The following ATP2C2 variants were observed in gnomAD, a reference collection of about 807,000 sequenced individuals.
ATP2C2 encodes ATPase secretory pathway Ca2+ transporting 2.
In ATP2C2, 171 loss-of-function variants were observed where a neutral mutation model predicts 110.8. The observed-to-expected ratio is 1.54, with a 90% CI of 1.36 to 1.75. The LOEUF (loss-of-function observed/expected upper bound fraction) is 1.75, where lower values mean the gene tolerates loss of function less well. Ranked by LOEUF, ATP2C2 falls within the 40% of genes most tolerant of loss-of-function variation. The probability of loss-of-function intolerance (pLI) is 0.00; values close to 1 mark genes in which losing one functional copy is unlikely to be tolerated. For synonymous variants in ATP2C2, 804 were observed against 508.4 expected (o/e 1.58, Z -7.82); for missense variants, 1,963 against 1,235.0 (o/e 1.59, Z -8.84).
At position 84,461,694 on chromosome 16, in the gene ATP2C2, C is replaced by A. The variant is rs781724696; in HGVS notation, c.2482-20C>A. ...TTGTCTCTTCCCGCCTAACCTCTCA[C>A]CTTTGTGCTCACCTTCCAGATGCCT... On this transcript the variant is annotated intron_variant, in intron 24 of 26. Coordinates refer to ENST00000262429, the MANE Select transcript of ATP2C2 (RefSeq NM_014861.4). 2.5e-6 allele frequency: 4 copies of A among 1,608,356 alleles called. No homozygotes were observed. In the African/African-American group the frequency reaches 5.3e-5, roughly 21 times the overall value.
In ATP2C2 at chr16:84,459,325, C is replaced by A; in HGVS notation, c.2272C>A (p.Pro758Thr). 6.2e-7 allele frequency: 1 copy of A among 1,614,212 alleles called. No homozygotes were observed. Among genetic ancestry groups the A allele is most frequent in the Non-Finnish European group, 8.5e-7 (1 of 1,180,048 alleles). The change falls in exon 23 of 27, where the codon CCC becomes ACC. Residue 758 changes from proline to threonine, a missense_variant. By Grantham distance (38) the Pro-to-Thr change is conservative. Transcript: ENST00000262429. ...GTCCACCGTGTTCAACCTGCCCAGCCCCCTCAACGCCATGCAGATCCTATG... is the reference window on the plus strand; with the variant it reads ...GTCCACCGTGTTCAACCTGCCCAGCACCCTCAACGCCATGCAGATCCTATG... Reference protein sequence around the residue: ...TLSTVFNLPSPLNAMQILWIN... With the variant: ...TLSTVFNLPSTLNAMQILWIN...
At chr16:84,458,861 A>T (rs1424637889) in intron 21 of ATP2C2, among the ~76,000 whole-genome samples, 1 of 152,140 alleles carries the variant, frequency 6.6e-6, no homozygotes, top group Non-Finnish European at 1.5e-5. Context: ...TCATGGTCTG[A>T]TTGGAGGCAT....
At chr16:84,435,280 T>G (rs1339439980) in intron 11 of ATP2C2, among the ~76,000 whole-genome samples, 1 of 152,234 alleles carries the variant, frequency 6.6e-6, no homozygotes, top group East Asian at 1.9e-4. Flanking sequence ...ATTGGCAGTG[T>G]TTATTCTTTT....
At chr16:84,374,638 T>C (rs1597725190) in intron 1 of ATP2C2, among the ~76,000 whole-genome samples, 1 of 152,104 alleles carries the variant, frequency 6.6e-6, no homozygotes, top group South Asian at 2.1e-4. Flanking sequence ...TGCTGCTTGG[T>C]GGCCATCATA....
At chr16:84,430,763 G>C (rs1908204112) in intron 11 of ATP2C2, among the ~76,000 whole-genome samples, 1 of 152,020 alleles carries the variant, frequency 6.6e-6, no homozygotes, top group Non-Finnish European at 1.5e-5. Context: ...CCCTTACACA[G>C]CCCATGGGGT....
chr16:84,459,866 G>C (rs1204666394), intron 23 of ATP2C2: 1 of 371,920 alleles, frequency 2.7e-6, no homozygotes. Flanking sequence ...CTGATGTCTA[G>C]AGATAAAGGG....
chr16:84,448,714 G>C, intron 17 of ATP2C2, 25 bp downstream of exon 17: 1 of 1,598,352 alleles, frequency 6.3e-7, no homozygotes, highest in South Asian at 1.1e-5. Context: ...TCCCGGCCCA[G>C]AGCTTTAAGC....
At chr16:84,384,665 G>A (rs4782619) in intron 1 of ATP2C2, among the ~76,000 whole-genome samples, 150,284 of 152,352 alleles carry the variant, frequency 0.99, 74,150 homozygotes, top group Middle Eastern at 1. Flanking sequence ...ATGCATGGAC[G>A]ATGCTTGGCT....
At chr16:84,434,308 C>T (rs930310961) in intron 11 of ATP2C2, among the ~76,000 whole-genome samples, 78 of 151,036 alleles carry the variant, frequency 5.2e-4, no homozygotes, top group East Asian at 2.0e-3. Flanking sequence ...CCCAGCTACT[C>T]GGGAGGCTGA....
intron 1 of ATP2C2, among the ~76,000 whole-genome samples, chr16:84,388,669 T>C (rs1464505184): frequency 6.6e-6 from 1 of 152,210 alleles, no homozygotes; most frequent in Non-Finnish European, 1.5e-5. Context: ...ACTCGATTGT[T>C]TTGTTCTTGT....
At chr16:84,451,769 C>T in intron 17 of ATP2C2, 152 bp from the exon 18 acceptor site, 1 of 757,298 alleles carries the variant, frequency 1.3e-6, no homozygotes, top group Non-Finnish European at 2.2e-6. Context: ...ACCCAGGAGG[C>T]AGAGGCTGCA....
At chr16:84,424,576 C>CCTTTTTTTTTTTTTTTT (rs1907634328) in intron 10 of ATP2C2, among the ~76,000 whole-genome samples, 1 of 114,870 alleles carries the variant, frequency 8.7e-6, no homozygotes, top group African/African-American at 4.0e-5. Context: ...CCGCACTGGG[C>CCTTTTTTTTTTTTTTTT]TTTTTTTTTT....
chr16:84,386,846 C>G (rs1904341558), intron 1 of ATP2C2, among the ~76,000 whole-genome samples: 1 of 152,172 alleles, frequency 6.6e-6, no homozygotes. Context: ...GTAGCTAGAC[C>G]AGGCCGAGTC....
Position 84,454,805 on chromosome 16 carries a change from G to A in ATP2C2, c.1981-13G>A, listed in dbSNP as rs373755993. 31 of 1,574,738 alleles carry A rather than the reference G, an allele frequency of 2.0e-5. No homozygotes were observed. The Admixed American group carries it at 4.0e-4, about 21-fold the overall frequency. On this transcript the variant is annotated splice_polypyrimidine_tract_variant and intron_variant, in intron 20 of 26. Coordinates refer to ENST00000262429, the MANE Select transcript of ATP2C2 (RefSeq NM_014861.4). Reference sequence around the variant, plus strand: ...GTCAGGCTGCAGGCCTTCATTGCCTGCTCTTTCCAAAGGCTCTGCAGGAGT... The same window carrying A: ...GTCAGGCTGCAGGCCTTCATTGCCTACTCTTTCCAAAGGCTCTGCAGGAGT...
chr16:84,401,830 T>C (rs2326256), intron 2 of ATP2C2, among the ~76,000 whole-genome samples: 59,916 of 152,070 alleles, frequency 0.39, 12,454 homozygotes, highest in South Asian at 0.59. Context: ...TGTGGTTCCA[T>C]ATAAATTTTT....
chr16:84,446,384 G>T lies in ATP2C2; in HGVS notation c.1457G>T (p.Ser486Ile). 1 of 1,607,726 alleles carries T rather than the reference G, an allele frequency of 6.2e-7. No individual in the cohort carries two copies. Among genetic ancestry groups the T allele is most frequent in the South Asian group, 1.1e-5 (1 of 89,610 alleles). ...SYIRKKEIPF[S>I]SEQKWMAVKC... The stretch of plus-strand genomic sequence containing the variant: ...ATAAGAAAAAAAGAGATTCCATTCA[G>T]TTCAGAGCAGAAGTGGATGGCGGTG... Residue 486 changes from serine (S) to isoleucine (I), a missense_variant, in exon 16 of 27, where the codon AGT becomes ATT. Coordinates refer to ENST00000262429, the MANE Select transcript of ATP2C2 (RefSeq NM_014861.4).
At chr16:84,448,710 C>T in intron 17 of ATP2C2, 21 bp downstream of exon 17, 1 of 1,599,220 alleles carries the variant, frequency 6.3e-7, no homozygotes, top group East Asian at 2.3e-5. Context: ...GTGGTCCCGG[C>T]CCAGAGCTTT....
At chr16:84,462,294 C>G (rs1001747390) in intron 26 of ATP2C2, 165 bp downstream of exon 26, 7 of 869,706 alleles carry the variant, frequency 8.0e-6, no homozygotes, top group Admixed American at 2.8e-5. Flanking sequence ...GGAAGGGACT[C>G]TAACGTGGGT....
chr16:84,438,066 T>A (rs1455218779), intron 11 of ATP2C2, among the ~76,000 whole-genome samples: 1 of 152,004 alleles, frequency 6.6e-6, no homozygotes, highest in Non-Finnish European at 1.5e-5. Flanking sequence ...CTTGTTCCTT[T>A]CTTTGGCTAA....
Sources: allele counts gnomAD v4.1 joint callset (sites outside exome capture counted in the v4.1 genomes callset), GRCh38; gene constraint gnomAD v4.1.1; transcripts MANE v1.5; gene names NCBI Gene and HGNC (gene_info 2026-07-23, HGNC 2026-07-21).